Variants in GUF1 observed in about 807,000 individuals in gnomAD.
The protein encoded by GUF1 is GTP binding elongation factor GUF1.
GUF1 carries 78 observed loss-of-function variants against 82.4 expected under a neutral mutation model. The observed-to-expected ratio is 0.95, with a 90% CI of 0.79 to 1.14. The LOEUF (loss-of-function observed/expected upper bound fraction) is 1.14, where lower values mean the gene tolerates loss of function less well. Among genes scored for constraint, GUF1 ranks in the 50% most tolerant of loss-of-function variants. GUF1 has a pLI of 0.00. For missense variants in GUF1, 814 were observed against 798.2 expected (o/e 1.02, Z -0.24); for synonymous variants, 279 against 282.3 (o/e 0.99, Z 0.12).
chr4:44,686,505 A>T lies in GUF1; in HGVS notation c.735-5A>T. 1 of 1,578,184 alleles carries T rather than the reference A, an allele frequency of 6.3e-7. No homozygotes were observed. Among genetic ancestry groups the T allele is most frequent in the Non-Finnish European group, 8.7e-7 (1 of 1,152,142 alleles). ...ATATATTTACTTTTTACTTATATTT[A>T]CTAGTCCTAAAGTGCATCGCAAAAA... On this transcript the variant is annotated splice_polypyrimidine_tract_variant and splice_region_variant and intron_variant, in intron 7 of 16. Transcript: ENST00000281543.
At chr4:44,682,459 C>T (rs541797286) in intron 5 of GUF1, 48 bp downstream of exon 5, 1 of 971,286 alleles carries the variant, frequency 1.0e-6, no homozygotes, top group South Asian at 2.0e-5. Context: ...TCTAAAAGTA[C>T]AATTAATGTT....
rs574434394 is a variant in GUF1 at position 44,698,538 on chromosome 4, T to C, written c.1873-6T>C. On this transcript the variant is annotated splice_region_variant and splice_polypyrimidine_tract_variant and intron_variant, in intron 16 of 16. Coordinates refer to ENST00000281543, the MANE Select transcript of GUF1 (RefSeq NM_021927.3). The stretch of plus-strand genomic sequence containing the variant: ...TAGACTTCCAATGTTTTAAAATATT[T>C]TTCAGTATGGTGGTGATATTACCCG... 1.3e-6 allele frequency: 2 copies of C among 1,577,660 alleles called. No individual in the cohort carries two copies. The highest frequency in any genetic ancestry group is 4.5e-5 in the East Asian group (2 of 44,594).
At chr4:44,685,300 A>G (rs1714983213) in intron 6 of GUF1, among the ~76,000 whole-genome samples, 1 of 152,118 alleles carries the variant, frequency 6.6e-6, no homozygotes, top group Admixed American at 6.6e-5. Context: ...TTGCTGCTGA[A>G]CATCCTGTAA....
chr4:44,697,625 A>G (rs1286094985), intron 16 of GUF1, among the ~76,000 whole-genome samples, 181 bp downstream of exon 16: 1 of 152,080 alleles, frequency 6.6e-6, no homozygotes, highest in Non-Finnish European at 1.5e-5. Flanking sequence ...ATATCTTTTA[A>G]GTATTTTTTC....
intron 12 of GUF1, 87 bp downstream of exon 12, chr4:44,690,947 C>G: frequency 1.1e-6 from 1 of 928,084 alleles, no homozygotes; most frequent in Non-Finnish European, 1.6e-6. Context: ...AGATTTCTTT[C>G]TGCTGAGCAT....
chr4:44,698,276 A>G (rs1270078343), intron 16 of GUF1, among the ~76,000 whole-genome samples: 48 of 152,172 alleles, frequency 3.2e-4, no homozygotes, highest in Non-Finnish European at 2.9e-5. Context: ...TTCCAAGCCT[A>G]GAATCAGTAA....
chr4:44,681,953 G>A (rs1488074092), intron 4 of GUF1, among the ~76,000 whole-genome samples: 1 of 152,056 alleles, frequency 6.6e-6, no homozygotes, highest in Non-Finnish European at 1.5e-5. Flanking sequence ...TTCTGGCACA[G>A]AAAAGGCCCT....
Position 44,686,676 on chromosome 4 carries a change from G to A in GUF1, c.901G>A (p.Gly301Arg). 1.2e-6 allele frequency: 2 copies of A among 1,611,456 alleles called. No homozygotes were observed. The highest frequency in any genetic ancestry group is 1.7e-6 in the Non-Finnish European group (2 of 1,178,084). The change falls in exon 8 of 17, where the codon GGA (glycine) becomes AGA (arginine). Residue 301 changes from glycine to arginine, a missense_variant. Physicochemically the swap from Gly to Arg is moderately radical, Grantham distance 125. Transcript: ENST00000281543. ...TQKTYEVNEV[G>R]VLNPNEQPTH... ...AAAGACATACGAAGTTAATGAAGTA[G>A]GAGTCTTGAATCCTAATGAGCAGCC...
chr4:44,695,892 C>T (rs1457890321), intron 15 of GUF1, among the ~76,000 whole-genome samples, 158 bp downstream of exon 15: 1 of 152,138 alleles, frequency 6.6e-6, no homozygotes, highest in African/African-American at 2.4e-5. Context: ...TAAGTAATGA[C>T]TGTTACTTTG....
rs1233581623 is a variant in GUF1, at chr4:44,697,391, A to AT, written c.1836-12dup. 3.9e-6 allele frequency: 6 copies of AT among 1,535,536 alleles called. No individual in the cohort carries two copies. The South Asian group carries it at 7.2e-5, about 18-fold the overall frequency. On this transcript the variant is annotated splice_polypyrimidine_tract_variant and intron_variant, in intron 15 of 16. Coordinates refer to ENST00000281543, the MANE Select transcript of GUF1 (RefSeq NM_021927.3). Reference sequence around the variant, plus strand: ...ATAATGGAATTATGTACTTAAACGAATTTTTCTCTTTTACAGTGTGAAAGC... The same window carrying AT: ...ATAATGGAATTATGTACTTAAACGAATTTTTTCTCTTTTACAGTGTGAAAGC...
intron 6 of GUF1, among the ~76,000 whole-genome samples, chr4:44,684,439 A>G (rs1257607500): frequency 1.3e-5 from 2 of 152,124 alleles, no homozygotes; most frequent in Non-Finnish European, 2.9e-5. Flanking sequence ...AGGGGTATGC[A>G]GGAATCAAGT....
intron 8 of GUF1, among the ~76,000 whole-genome samples, 175 bp downstream of exon 8, chr4:44,686,888 C>T (rs981214421): frequency 4.6e-5 from 7 of 151,792 alleles, no homozygotes; most frequent in African/African-American, 1.7e-4. Flanking sequence ...ACAATAGAAA[C>T]GTCAGTTGAT....
In GUF1 at chr4:44,685,794, A is replaced by G. The variant is rs190031888; in HGVS notation, c.670-165A>G. Among the ~76,000 whole-genome samples, 341 of 152,144 alleles carry G rather than the reference A, an allele frequency of 2.2e-3. 2 individuals carry two copies. Among genetic ancestry groups the G allele is most frequent in the Non-Finnish European group, 3.5e-3 (238 of 67,952 alleles). The stretch of plus-strand genomic sequence containing the variant: ...ACTACGTAACTATAATAGAAAAAGT[A>G]TTTGTCAATATACTGTTTGCTTTGT... On this transcript the variant is annotated intron_variant, in intron 6 of 16. Transcript: ENST00000281543.
chr4:44,679,593 GAA>G (rs2109626817), intron 1 of GUF1, among the ~76,000 whole-genome samples: 1 of 152,250 alleles, frequency 6.6e-6, no homozygotes, highest in East Asian at 1.9e-4. Flanking sequence ...TGAAGGGAAA[GAA>G]AATCTACAGG....
chr4:44,684,397 T>C (rs1333590976), intron 6 of GUF1, among the ~76,000 whole-genome samples: 5 of 152,064 alleles, frequency 3.3e-5, no homozygotes, highest in Non-Finnish European at 7.4e-5. Flanking sequence ...TGTTTACTGA[T>C]CAGAAAGGTT....
Position 44,683,288 on chromosome 4 carries a change from G to GT in GUF1, c.642dup (p.Asp215Ter). On this transcript the variant is annotated frameshift_variant, in exon 6 of 17. Coordinates refer to ENST00000281543, the MANE Select transcript of GUF1 (RefSeq NM_021927.3). LOFTEE classifies it high-confidence loss of function. ...GGGTTGAAAACCAAATTGAGAAAGTGTTTGATATTCCAAGTGATGAATGTA... is the reference window on the plus strand; with the variant it reads ...GGGTTGAAAACCAAATTGAGAAAGTGTTTTGATATTCCAAGTGATGAATGTA... 6.3e-7 allele frequency: 1 copy of GT among 1,583,564 alleles called. No individual in the cohort carries two copies. The highest frequency in any genetic ancestry group is 8.6e-7 in the Non-Finnish European group (1 of 1,165,496).
At chr4:44,684,261 A>T (rs1300017418) in intron 6 of GUF1, among the ~76,000 whole-genome samples, 1 of 152,130 alleles carries the variant, frequency 6.6e-6, no homozygotes, top group Non-Finnish European at 1.5e-5. Context: ...ACGTTATGAC[A>T]TGGAATAACT....
chr4:44,687,382 A>G (rs1326203536), intron 8 of GUF1, among the ~76,000 whole-genome samples: 1 of 151,928 alleles, frequency 6.6e-6, no homozygotes, highest in African/African-American at 2.4e-5. Context: ...CAGAAAGTCT[A>G]TTTTTATTTT....
rs1403202119 is a variant in GUF1 at position 44,686,590 on chromosome 4, A to G, written c.815A>G (p.Asn272Ser). The G allele has an allele frequency of 1.9e-6, 3 of 1,612,356 alleles. No homozygotes were observed. The highest frequency in any genetic ancestry group is 1.7e-4 in the Middle Eastern group (1 of 6,052). ...GACCAGTATAGAGGTGTGATAGCCAATGTAGCATTATTTGACGGAGTGGTT... is the reference window on the plus strand; with the variant it reads ...GACCAGTATAGAGGTGTGATAGCCAGTGTAGCATTATTTGACGGAGTGGTT... ...TFDQYRGVIA[N>S]VALFDGVVSK... The change falls in exon 8 of 17, where the codon AAT (asparagine) becomes AGT (serine). Residue 272 changes from asparagine (N) to serine (S), a missense_variant. By Grantham distance (46) the Asn-to-Ser change is conservative. Coordinates refer to ENST00000281543, the MANE Select transcript of GUF1 (RefSeq NM_021927.3).
Sources: gnomAD v4.1 joint callset for allele counts (sites outside exome capture counted in the v4.1 genomes callset) on GRCh38, gnomAD v4.1.1 for gene constraint, MANE v1.5 for transcripts, NCBI Gene and HGNC (gene_info 2026-07-23, HGNC 2026-07-21) for gene names.